The following MOCS2 variants were observed in gnomAD, a reference collection of about 807,000 sequenced individuals.
MOCS2 encodes molybdenum cofactor synthesis 2.
A neutral mutation model predicts 21.9 loss-of-function variants in MOCS2; 13 were observed. That is an observed-to-expected ratio of 0.59 (90% confidence interval 0.39 to 0.94). The LOEUF (loss-of-function observed/expected upper bound fraction) is 0.94. MOCS2 is among the 40% of genes least tolerant of loss of function. The pLI is 0.00. For synonymous variants in MOCS2, 92 were observed against 80.8 expected, an observed-to-expected ratio of 1.14 and a Z score of -0.74; for missense variants, 227 against 218.3, an observed-to-expected ratio of 1.04 and a Z score of -0.25.
intron 6 of MOCS2, among the ~76,000 whole-genome samples, chr5:53,099,509 C>G (rs1345501407): frequency 1.3e-5 from 2 of 152,170 alleles, no homozygotes; most frequent in Non-Finnish European, 2.9e-5. Context: ...CTGAGCTTCA[C>G]TAAGTTTCCT....
At chr5:53,107,308 A>G (rs1741078414) in intron 2 of MOCS2, 87 bp from the exon 3 acceptor site, 1 of 1,234,696 alleles carries the variant, frequency 8.1e-7, no homozygotes, top group Admixed American at 2.1e-5. Context: ...TTACATAGAT[A>G]TAATTATATA....
At chr5:53,108,790 T>G in intron 1 of MOCS2, 147 bp from the exon 2 acceptor site, 1 of 787,806 alleles carries the variant, frequency 1.3e-6, no homozygotes, top group Non-Finnish European at 1.9e-6. Context: ...AAAATTTCAG[T>G]ATACCTACAA....
intron 4 of MOCS2, 57 bp from the exon 5 acceptor site, chr5:53,101,566 A>G (rs1258358926): frequency 1.6e-6 from 2 of 1,230,160 alleles, no homozygotes; most frequent in Non-Finnish European, 1.2e-6. Flanking sequence ...TTTCCCTACA[A>G]AAGAAATAGC....
intron 5 of MOCS2, chr5:53,101,149 C>A: frequency 1.6e-6 from 1 of 608,928 alleles, no homozygotes; most frequent in Non-Finnish European, 2.9e-6. Flanking sequence ...TTTGTTACAG[C>A]AACAGAGGCA....
intron 5 of MOCS2, 173 bp downstream of exon 5, chr5:53,101,186 C>T (rs1740898278): frequency 1.4e-6 from 1 of 712,310 alleles, no homozygotes; most frequent in Non-Finnish European, 2.4e-6. Flanking sequence ...TATCAAAACT[C>T]ACTAGGCAGT....
In MOCS2 at chr5:53,109,423, G is replaced by T. The variant is rs922372834; in HGVS notation, c.-342C>A. The stretch of plus-strand genomic sequence containing the variant: ...AAACGAATAATCTGGGAAAGAGGTG[G>T]TCATAAAAGGTGGAGGCGCCTTCAG... On this transcript the variant is annotated 5_prime_UTR_variant, in exon 1 of 7. Coordinates refer to ENST00000396954, the MANE Select transcript of MOCS2 (RefSeq NM_004531.5). 5.7e-5 allele frequency: 71 copies of T among 1,252,472 alleles called. No individual in the cohort carries two copies. In the South Asian group the frequency reaches 1.1e-3, roughly 20 times the overall value. 77.6% of individuals were successfully genotyped at this position (1,252,472 alleles called of 1,614,324 possible). A position where few individuals can be genotyped will look rare whatever the true frequency, so the allele number is the denominator to read the frequency against.
intron 3 of MOCS2, among the ~76,000 whole-genome samples, chr5:53,106,775 C>T (rs941927073): frequency 4.6e-5 from 7 of 152,002 alleles, no homozygotes; most frequent in Non-Finnish European, 1.0e-4. Context: ...TGTTTTTTTA[C>T]CTGCAAAATA....
rs1741117695 is a variant in MOCS2, at chr5:53,108,637, C to T, written c.-163G>A. 3.1e-6 allele frequency: 5 copies of T among 1,612,586 alleles called. No homozygotes were observed. The highest frequency in any genetic ancestry group is 1.6e-4 in the Middle Eastern group (1 of 6,076). ...TCAGCACTTTTTGCAAAATACAATACTTCAACCTGAAAGTAAAGAAAATGC... is the reference window on the plus strand; with the variant it reads ...TCAGCACTTTTTGCAAAATACAATATTTCAACCTGAAAGTAAAGAAAATGC... On this transcript the variant is annotated 5_prime_UTR_variant, in exon 2 of 7. Transcript: ENST00000396954.
intron 4 of MOCS2, 24 bp from the exon 5 acceptor site, chr5:53,101,533 A>G (rs1445939): frequency 3.5e-6 from 5 of 1,419,298 alleles, no homozygotes; most frequent in Non-Finnish European, 4.9e-6. Context: ...AAAAAAGAAA[A>G]AGAAAACAAT....
At chr5:53,105,559 T>C (rs139266197) in intron 3 of MOCS2, among the ~76,000 whole-genome samples, 263 of 152,270 alleles carry the variant, frequency 1.7e-3, no homozygotes, top group African/African-American at 5.9e-3. Context: ...CCTTATACCA[T>C]ATACAAATAT....
intron 1 of MOCS2, among the ~76,000 whole-genome samples, chr5:53,108,910 T>G (rs550782823): frequency 6.6e-6 from 1 of 152,342 alleles, no homozygotes; most frequent in East Asian, 1.9e-4. Flanking sequence ...AGTATTTATC[T>G]TCTAGGAAAA....
chr5:53,096,090 A>G lies in MOCS2; in HGVS notation c.*2512T>C, dbSNP rs531990749. ...TCAAGTTGCTAAGAGCAACTTTACT[A>G]TAACTTTTACTATGGCTCTGGCTCT... On this transcript the variant is annotated 3_prime_UTR_variant, in exon 7 of 7. Coordinates refer to ENST00000396954, the MANE Select transcript of MOCS2 (RefSeq NM_004531.5). 4.6e-5 allele frequency: 7 copies of G among 152,358 alleles called. No individual in the cohort carries two copies. The highest frequency in any genetic ancestry group is 4.1e-4 in the South Asian group (2 of 4,828). 9.4% of individuals were successfully genotyped at this position (152,358 alleles called of 1,614,324 possible).
Position 53,102,129 on chromosome 5 carries a change from G to A in MOCS2, c.194C>T (p.Ser65Phe), listed in dbSNP as rs1740927082. 1.2e-6 allele frequency: 2 copies of A among 1,613,694 alleles called. No individual in the cohort carries two copies. Among genetic ancestry groups the A allele is most frequent in the South Asian group, 1.1e-5 (1 of 91,072 alleles). The stretch of plus-strand genomic sequence containing the variant: ...TAGGGATATTGCACCACAGAGCGGA[G>A]AAATCACCAACTGTGAGACTTCATC... ...SVDEVSQLVI[S>F]PLCGAISLFV... Residue 65 changes from serine (S) to phenylalanine (F), a missense_variant, in exon 4 of 7, where the codon TCT becomes TTT. Physicochemically the swap from Ser to Phe is radical, Grantham distance 155 (BLOSUM62 -2). Transcript: ENST00000396954.
intron 2 of MOCS2, 69 bp from the exon 3 acceptor site, chr5:53,107,290 TAG>T: frequency 7.3e-7 from 1 of 1,377,604 alleles, no homozygotes; most frequent in Non-Finnish European, 1.0e-6. Flanking sequence ...CAGCTGCAAT[TAG>T]AGATATTACA....
Position 53,100,504 on chromosome 5 carries a change from G to A in MOCS2, c.408C>T (p.Ile136=). The A allele has an allele frequency of 6.2e-7, 1 of 1,613,652 alleles. No homozygotes were observed. Among genetic ancestry groups the A allele is most frequent in the Non-Finnish European group, 8.5e-7 (1 of 1,179,768 alleles). The change falls in exon 6 of 7, where the codon ATC becomes ATT. Residue 136 remains isoleucine, a synonymous_variant. Coordinates refer to ENST00000396954, the MANE Select transcript of MOCS2 (RefSeq NM_004531.5). ...CTCTGTGGGCTGAGGACACAGCAATGATTATGCTTGCTTCTGACACTGGAA... is the reference window on the plus strand; with the variant it reads ...CTCTGTGGGCTGAGGACACAGCAATAATTATGCTTGCTTCTGACACTGGAA... ...GLVPVSEASI[I]IAVSSAHRAA... is the part of the protein sequence containing the mutation.
rs1741154714 is a variant in MOCS2 at position 53,109,638 on chromosome 5, G to T, written c.-557C>A. 2 of 1,544,530 alleles carry T rather than the reference G, an allele frequency of 1.3e-6. No homozygotes were observed. The highest frequency in any genetic ancestry group is 2.4e-5 in the South Asian group (2 of 83,680). ...TCCGACTGACCAAGGCTGGGTATGT[G>T]GAGGGAAAGGGCGGGAGAGACACGT... On this transcript the variant is annotated 5_prime_UTR_variant, in exon 1 of 7. Coordinates refer to ENST00000396954, the MANE Select transcript of MOCS2 (RefSeq NM_004531.5).
rs545526771 is a variant in MOCS2 at position 53,109,371 on chromosome 5, T to C, written c.-290A>G. 445 of 1,159,844 alleles carry C rather than the reference T, an allele frequency of 3.8e-4. 6 individuals are homozygous for C. The South Asian group carries it at 0.015, about 40-fold the overall frequency. 71.8% of individuals were successfully genotyped at this position (1,159,844 alleles called of 1,614,324 possible). A position where few individuals can be genotyped will look rare whatever the true frequency, so the allele number is the denominator to read the frequency against. On this transcript the variant is annotated 5_prime_UTR_variant, in exon 1 of 7. Transcript: ENST00000396954. ...AGAATTCTCCATGAGGTGCATTTCT[T>C]TTTAGATTAAAATTTTAGCTTCATC...
At chr5:53,101,620 A>C (rs1166923388) in intron 4 of MOCS2, 111 bp from the exon 5 acceptor site, 1 of 803,314 alleles carries the variant, frequency 1.2e-6, no homozygotes, top group Non-Finnish European at 2.0e-6. Flanking sequence ...ATTAATAGTA[A>C]ACAAGCAGCA....
chr5:53,108,396 A>C, intron 2 of MOCS2, 126 bp downstream of exon 2: 2 of 956,442 alleles, frequency 2.1e-6, no homozygotes, highest in Non-Finnish European at 3.1e-6. Context: ...TTCCAAAAAA[A>C]ATACAACTAA....
Sources: allele counts gnomAD v4.1 joint callset (sites outside exome capture counted in the v4.1 genomes callset), GRCh38; gene constraint gnomAD v4.1.1; transcripts MANE v1.5; gene names NCBI Gene and HGNC (gene_info 2026-07-23, HGNC 2026-07-21).